Variants in CFAP299 observed in about 807,000 individuals in gnomAD.
CFAP299 encodes the protein cilia- and flagella-associated protein 299.
Under a neutral mutation model 27.0 loss-of-function variants are expected in CFAP299, and 21 were observed. That is an observed-to-expected ratio of 0.78 (90% CI 0.55 to 1.12). CFAP299 has a LOEUF of 1.12. Among genes scored for constraint, CFAP299 ranks in the 50% most tolerant of loss-of-function variants. The pLI is 0.00. For synonymous variants in CFAP299, 104 were observed against 98.1 expected (o/e 1.06, Z -0.36); for missense variants, 310 against 276.6 (o/e 1.12, Z -0.86).
intron 2 of CFAP299, among the ~76,000 whole-genome samples, chr4:80,363,953 G>T (rs1280964733): frequency 6.6e-6 from 1 of 151,984 alleles, no homozygotes; most frequent in African/African-American, 2.4e-5. Flanking sequence ...CTGGCGTGGT[G>T]GTGGGAGCCT....
chr4:80,334,418 C>T (rs1159939360), upstream of CFAP299, among the ~76,000 whole-genome samples: 1 of 152,106 alleles, frequency 6.6e-6, no homozygotes, highest in Admixed American at 6.5e-5. Context: ...GCTGGGATTA[C>T]AGGCGCCCAC....
chr4:80,462,217 C>T (rs1305339377), intron 2 of CFAP299, among the ~76,000 whole-genome samples: 1 of 152,084 alleles, frequency 6.6e-6, no homozygotes, highest in Admixed American at 6.6e-5. Context: ...GACACTTTCC[C>T]CTTAGTATAT....
At chr4:80,690,751 A>G (rs1420383482) in intron 3 of CFAP299, among the ~76,000 whole-genome samples, 13 of 152,050 alleles carry the variant, frequency 8.5e-5, no homozygotes, top group Non-Finnish European at 1.8e-4. Context: ...TAATGAATCC[A>G]GGAGCTGGTT....
At chr4:80,814,129 TC>T (rs34608255) in intron 3 of CFAP299, among the ~76,000 whole-genome samples, 17,109 of 152,034 alleles carry the variant, frequency 0.11, 1,198 homozygotes, top group Middle Eastern at 0.21. Context: ...CATTACTCTT[TC>T]CCAAAGCTCT....
chr4:80,790,519 C>T (rs1484360220), intron 3 of CFAP299: 1 of 151,910 alleles, frequency 6.6e-6, no homozygotes, highest in African/African-American at 2.4e-5. Context: ...GACGGTGGAA[C>T]CCCCATGAAT....
chr4:80,834,937 A>G (rs1162725640), intron 3 of CFAP299, among the ~76,000 whole-genome samples: 1 of 152,092 alleles, frequency 6.6e-6, no homozygotes, highest in Non-Finnish European at 1.5e-5. Context: ...AACTGAAAAT[A>G]TTTGTTCCTT....
the CFAP299 span, among the ~76,000 whole-genome samples, chr4:80,326,223 A>G: frequency 1.3e-5 from 2 of 152,116 alleles, no homozygotes; most frequent in East Asian, 3.9e-4. Flanking sequence ...TTATTTTTGC[A>G]TCTCTATGGG....
chr4:80,961,034 A>G (rs2109869788), intron 5 of CFAP299, among the ~76,000 whole-genome samples: 1 of 151,908 alleles, frequency 6.6e-6, no homozygotes, highest in Non-Finnish European at 1.5e-5. Flanking sequence ...TCAACTTAAT[A>G]TCAGTCTAAG....
At chr4:80,471,210 C>A (rs1729974632) in intron 2 of CFAP299, among the ~76,000 whole-genome samples, 1 of 151,990 alleles carries the variant, frequency 6.6e-6, no homozygotes, top group East Asian at 1.9e-4. Context: ...TGACTACCCT[C>A]AAGGTTATTA....
intron 3 of CFAP299, among the ~76,000 whole-genome samples, chr4:80,736,959 T>A (rs1723928907): frequency 6.6e-6 from 1 of 152,176 alleles, no homozygotes; most frequent in African/African-American, 2.4e-5. Flanking sequence ...GTGGCACATA[T>A]ACACCATGGA....
chr4:80,410,307 G>A (rs1232040528), intron 2 of CFAP299, among the ~76,000 whole-genome samples: 1 of 152,130 alleles, frequency 6.6e-6, no homozygotes, highest in Non-Finnish European at 1.5e-5. Context: ...TTCAAAGGTA[G>A]GAATAGATAG....
Position 80,944,862 on chromosome 4 carries a change from C to G in CFAP299, c.529C>G (p.Gln177Glu), listed in dbSNP as rs1737390079. 1.2e-6 allele frequency: 2 copies of G among 1,611,458 alleles called. No homozygotes were observed. The highest frequency in any genetic ancestry group is 1.7e-6 in the Non-Finnish European group (2 of 1,178,042). ...TGTTAGTAATTCAAGTCCCAACTAT[C>G]AAGTGATTGCCGATAATCCAGAAGG... ...IAVSNSSPNY[Q>E]VIADNPEGLL... The change falls in exon 5 of 6, where the codon CAA (glutamine) becomes GAA (glutamate). Residue 177 changes from glutamine (Q) to glutamate (E), a missense_variant. Gln to Glu is a conservative substitution (Grantham distance 29, BLOSUM62 2). Coordinates refer to ENST00000358105, the MANE Select transcript of CFAP299 (RefSeq NM_152770.3).
chr4:80,529,457 T>C (rs961080299), intron 2 of CFAP299, among the ~76,000 whole-genome samples: 2 of 152,200 alleles, frequency 1.3e-5, no homozygotes, highest in Non-Finnish European at 2.9e-5. Context: ...ATTGTACGTA[T>C]GTATTGGATT....
chr4:80,589,400 T>C (rs2109882026), intron 3 of CFAP299, among the ~76,000 whole-genome samples: 1 of 152,236 alleles, frequency 6.6e-6, no homozygotes, highest in Non-Finnish European at 1.5e-5. Context: ...TATGGGAAAA[T>C]ATCTTTATAC....
intron 3 of CFAP299, among the ~76,000 whole-genome samples, chr4:80,711,594 G>A (rs1425342707): frequency 6.6e-6 from 1 of 152,100 alleles, no homozygotes; most frequent in East Asian, 1.9e-4. Flanking sequence ...CTGGGGCTGA[G>A]GGATGTTGAG....
intron 3 of CFAP299, among the ~76,000 whole-genome samples, chr4:80,706,739 G>C (rs893878956): frequency 2.0e-5 from 3 of 151,866 alleles, no homozygotes; most frequent in African/African-American, 7.2e-5. Flanking sequence ...CAATTTGTTA[G>C]AGTGATATTT....
chr4:80,757,728 G>A (rs538610345), intron 3 of CFAP299, among the ~76,000 whole-genome samples: 4 of 150,618 alleles, frequency 2.7e-5, no homozygotes. Flanking sequence ...TGTTTGTTTG[G>A]TTTGGTTTTT....
At position 80,586,164 on chromosome 4, in the gene CFAP299, A is replaced by G. The variant is rs571176739; in HGVS notation, c.333+2981A>G. 2.6e-5 allele frequency among the ~76,000 whole-genome samples: 4 copies of G among 152,218 alleles called. No homozygotes were observed. The East Asian group carries it at 7.7e-4, about 29-fold the overall frequency. On this transcript the variant is annotated intron_variant, in intron 3 of 5. Transcript: ENST00000358105. ...CAATTTCCTTCTTTGTAAGGTGGGA[A>G]TTAAAAGAGTAACCTCATCTTAATA...
intron 2 of CFAP299, among the ~76,000 whole-genome samples, chr4:80,412,218 T>C (rs2110061924): frequency 6.6e-6 from 1 of 152,112 alleles, no homozygotes; most frequent in South Asian, 2.1e-4. Flanking sequence ...TCATTTTAAC[T>C]ATCCCAAGCT....
Sources: gnomAD v4.1 joint callset for allele counts (sites outside exome capture counted in the v4.1 genomes callset) on GRCh38, gnomAD v4.1.1 for gene constraint, MANE v1.5 for transcripts, NCBI Gene and HGNC (gene_info 2026-07-23, HGNC 2026-07-21) for gene names.